TENM3: variants seen among roughly 807,000 people sequenced by gnomAD.
TENM3 encodes teneurin transmembrane protein 3, also known as teneurin-3.
In TENM3, 63 loss-of-function variants were observed where a neutral mutation model predicts 255.1. That is an observed-to-expected ratio of 0.25 (90% confidence interval 0.20 to 0.30). TENM3 has a LOEUF of 0.30. TENM3 is among the 10% of genes least tolerant of loss of function. The probability of loss-of-function intolerance (pLI) is 1.00; values close to 1 mark genes in which losing one functional copy is unlikely to be tolerated. For missense variants in TENM3, 2,929 were observed against 3,461.1 expected (o/e 0.85, Z 3.86); for synonymous variants, 1,306 against 1,322.3 (o/e 0.99, Z 0.27).
chr4:182,200,214 G>C (rs1754102480), intron 1 of TENM3, among the ~76,000 whole-genome samples: 2 of 152,126 alleles, frequency 1.3e-5, no homozygotes, highest in African/African-American at 4.8e-5. Flanking sequence ...AAAAGAATCA[G>C]TCTAAATGGG....
chr4:181,692,292 T>C, the TENM3 span, among the ~76,000 whole-genome samples: 1 of 152,202 alleles, frequency 6.6e-6, no homozygotes, highest in Non-Finnish European at 1.5e-5. Flanking sequence ...GCATACACAA[T>C]TAATTTTCAC....
At chr4:182,476,809 C>T (rs1733722548) in intron 3 of TENM3, among the ~76,000 whole-genome samples, 1 of 152,196 alleles carries the variant, frequency 6.6e-6, no homozygotes, top group African/African-American at 2.4e-5. Flanking sequence ...AGAATACCAT[C>T]TCTCCTGTTG....
chr4:182,352,479 A>T (rs2150712810), intron 3 of TENM3, among the ~76,000 whole-genome samples: 1 of 152,284 alleles, frequency 6.6e-6, no homozygotes, highest in African/African-American at 2.4e-5. Flanking sequence ...TCACACAATA[A>T]AATAAATCAT....
intron 3 of TENM3, among the ~76,000 whole-genome samples, chr4:182,381,813 G>C (rs999536432): frequency 3.9e-5 from 6 of 152,092 alleles, no homozygotes; most frequent in Non-Finnish European, 8.8e-5. Flanking sequence ...TGCCCGCATC[G>C]GCCTCCCAAA....
the TENM3 span, among the ~76,000 whole-genome samples, chr4:182,083,380 T>C: frequency 6.6e-6 from 1 of 152,230 alleles, no homozygotes; most frequent in East Asian, 1.9e-4. Flanking sequence ...CTCTTATATC[T>C]ATCATTCTGA....
At chr4:182,629,213 A>G (rs917914627) in intron 5 of TENM3, among the ~76,000 whole-genome samples, 17 of 152,234 alleles carry the variant, frequency 1.1e-4, no homozygotes, top group African/African-American at 4.1e-4. Flanking sequence ...CGCTTGCAGT[A>G]ATGAACCCTG....
chr4:182,299,708 G>A (rs566823988), intron 1 of TENM3, among the ~76,000 whole-genome samples: 9 of 152,174 alleles, frequency 5.9e-5, no homozygotes, highest in South Asian at 2.1e-4. Context: ...GATGGGACAA[G>A]TAAGTTAAAT....
At chr4:182,113,554 G>T in the TENM3 span, among the ~76,000 whole-genome samples, 1 of 152,086 alleles carries the variant, frequency 6.6e-6, no homozygotes, top group Non-Finnish European at 1.5e-5. Flanking sequence ...GAAAATGTTA[G>T]ATTATTTTCA....
chr4:182,473,725 A>G (rs1434762793), intron 3 of TENM3, among the ~76,000 whole-genome samples: 1 of 151,964 alleles, frequency 6.6e-6, no homozygotes, highest in African/African-American at 2.4e-5. Context: ...TGGCTCCGCA[A>G]TTTTGGAGGC....
the TENM3 span, among the ~76,000 whole-genome samples, chr4:181,573,504 T>G: frequency 6.6e-6 from 1 of 152,130 alleles, no homozygotes. Flanking sequence ...AAGAGGATAA[T>G]TATGTGGTAA....
intron 4 of TENM3, among the ~76,000 whole-genome samples, chr4:182,612,981 GA>G (rs1195898968): frequency 6.6e-6 from 1 of 152,122 alleles, no homozygotes; most frequent in African/African-American, 2.4e-5. Flanking sequence ...CTTACCGCCG[GA>G]AATTCTTTTA....
the TENM3 span, among the ~76,000 whole-genome samples, chr4:181,552,211 T>G: frequency 1.3e-5 from 2 of 152,192 alleles, no homozygotes; most frequent in Non-Finnish European, 2.9e-5. Context: ...CAAAAATGCT[T>G]ATGACATAAA....
At chr4:182,347,988 G>A (rs930935822) in intron 3 of TENM3, among the ~76,000 whole-genome samples, 5 of 152,096 alleles carry the variant, frequency 3.3e-5, no homozygotes, top group East Asian at 1.9e-4. Flanking sequence ...ATAGGAAAGC[G>A]GATCTATTGT....
the TENM3 span, among the ~76,000 whole-genome samples, chr4:181,510,501 A>G: frequency 6.6e-6 from 1 of 152,220 alleles, no homozygotes; most frequent in Non-Finnish European, 1.5e-5. Flanking sequence ...ACGAAACAAA[A>G]CAAATTAAAC....
chr4:182,648,307 A>G (rs944631771), intron 5 of TENM3, among the ~76,000 whole-genome samples: 2 of 149,904 alleles, frequency 1.3e-5, no homozygotes, highest in Non-Finnish European at 1.5e-5. Flanking sequence ...TTTTTGAAAC[A>G]GAGTCTCATT....
chr4:182,696,806 C>G (rs757466086), intron 12 of TENM3, among the ~76,000 whole-genome samples: 7 of 151,388 alleles, frequency 4.6e-5, no homozygotes, highest in Non-Finnish European at 1.0e-4. Context: ...CGGTTTTTCT[C>G]ATTCTAAATA....
chr4:181,568,162 CTTTT>C, the TENM3 span, among the ~76,000 whole-genome samples: 159 of 128,026 alleles, frequency 1.2e-3, no homozygotes, highest in African/African-American at 4.5e-3. Flanking sequence ...CCAACTAATA[CTTTT>C]TTTTTTTTTT....
the TENM3 span, among the ~76,000 whole-genome samples, chr4:181,910,654 G>GTGTGTA: frequency 7.4e-3 from 1,102 of 148,850 alleles, 4 homozygotes; most frequent in African/African-American, 9.9e-3. Flanking sequence ...GTGTGTGTGT[G>GTGTGTA]TATTTTAGAG....
At chr4:182,087,578 A>G in the TENM3 span, among the ~76,000 whole-genome samples, 1 of 152,248 alleles carries the variant, frequency 6.6e-6, no homozygotes, top group African/African-American at 2.4e-5. Context: ...TGAAGGATGG[A>G]AGTCTGAGAG....
Sources: gnomAD v4.1 joint callset for allele counts (sites outside exome capture counted in the v4.1 genomes callset) on GRCh38, gnomAD v4.1.1 for gene constraint, MANE v1.5 for transcripts, NCBI Gene and HGNC (gene_info 2026-07-23, HGNC 2026-07-21) for gene names.